Variants in TLE2 observed in about 807,000 individuals in gnomAD.
TLE2 encodes TLE family member 2, transcriptional corepressor, also known as transducin-like enhancer protein 2.
A neutral mutation model predicts 97.2 loss-of-function variants in TLE2; 74 were observed. The observed-to-expected ratio is 0.76, with a 90% CI of 0.63 to 0.92. TLE2 has a LOEUF of 0.92. TLE2 is among the 40% of genes least tolerant of loss of function. The probability of loss-of-function intolerance (pLI) is 0.00; values close to 1 mark genes in which losing one functional copy is unlikely to be tolerated. For synonymous variants in TLE2, 499 were observed against 432.1 expected (o/e 1.15, Z -1.92); for missense variants, 1,038 against 1,008.7 (o/e 1.03, Z -0.39).
At chr19:3,017,454 T>TTC (rs1183419445) in intron 8 of TLE2, among the ~76,000 whole-genome samples, 1 of 144,202 alleles carries the variant, frequency 6.9e-6, no homozygotes, top group African/African-American at 2.5e-5. Context: ...CTTTCTTTCT[T>TTC]TTTTTTTTTT....
At chr19:3,047,245 C>A (rs905394319), upstream of TLE2, among the ~76,000 whole-genome samples, 152 of 138,760 alleles carry the variant, frequency 1.1e-3, no homozygotes, top group East Asian at 4.4e-3. Context: ...TAGCCGAGGT[C>A]GCCCGCGGCG....
At chr19:3,021,730 G>A (rs529691126) in intron 5 of TLE2, among the ~76,000 whole-genome samples, 3 of 150,288 alleles carry the variant, frequency 2.0e-5, no homozygotes, top group Admixed American at 6.6e-5. Context: ...TTACAGGTGC[G>A]CACCACCACA....
At chr19:3,046,479 C>T (rs1044332974), upstream of TLE2, among the ~76,000 whole-genome samples, 1 of 152,176 alleles carries the variant, frequency 6.6e-6, no homozygotes, top group African/African-American at 2.4e-5. Flanking sequence ...GTGCTCCCAC[C>T]CTCTGCTGGA....
chr19:2,997,822 T>G lies in TLE2; in HGVS notation c.*26A>C. The G allele has an allele frequency of 6.5e-7, 1 of 1,542,480 alleles. No homozygotes were observed. On this transcript the variant is annotated 3_prime_UTR_variant, in exon 20 of 20. Coordinates refer to ENST00000262953, the MANE Select transcript of TLE2 (RefSeq NM_003260.5). ...GCTGATTCCCCTGGGAGTCTGGACT[T>G]CGGGTACAGGAAGGGGGGTCATGTC... is the stretch of plus-strand genomic sequence containing the variant.
chr19:3,006,361 G>A, intron 15 of TLE2, 59 bp downstream of exon 15: 1 of 1,571,788 alleles, frequency 6.4e-7, no homozygotes, highest in Non-Finnish European at 8.6e-7. Flanking sequence ...CCGCCCCATT[G>A]GAACATAAGC....
chr19:3,031,690 A>G (rs1032771761), upstream of TLE2, among the ~76,000 whole-genome samples: 2 of 151,992 alleles, frequency 1.3e-5, no homozygotes, highest in Non-Finnish European at 2.9e-5. Context: ...CCCAAGTCAC[A>G]CTGGCCTCAC....
chr19:3,009,400 G>T, intron 13 of TLE2, 142 bp downstream of exon 13: 1 of 1,019,252 alleles, frequency 9.8e-7, no homozygotes, highest in Non-Finnish European at 1.4e-6. Flanking sequence ...CCCCCAGATT[G>T]TCTTCCCATG....
At chr19:3,002,183 A>G (rs2089376866) in intron 18 of TLE2, among the ~76,000 whole-genome samples, 170 bp downstream of exon 18, 1 of 152,150 alleles carries the variant, frequency 6.6e-6, no homozygotes, top group Admixed American at 6.5e-5. Context: ...TAGTATAAGT[A>G]TATCCCACAC....
At chr19:3,013,416 C>T (rs1175916373) in intron 11 of TLE2, among the ~76,000 whole-genome samples, 1 of 151,994 alleles carries the variant, frequency 6.6e-6, no homozygotes, top group African/African-American at 2.4e-5. Context: ...ACCTGCTTTC[C>T]ATGTAAGGTA....
chr19:3,006,091 A>G, intron 15 of TLE2, 123 bp from the exon 16 acceptor site: 2 of 1,238,424 alleles, frequency 1.6e-6, no homozygotes, highest in Middle Eastern at 1.9e-4. Context: ...TGCAAGCCCT[A>G]CCCTGATTGG....
intron 11 of TLE2, among the ~76,000 whole-genome samples, chr19:3,012,258 C>T (rs991088971): frequency 1.5e-5 from 2 of 137,494 alleles, no homozygotes; most frequent in South Asian, 2.4e-4. Flanking sequence ...ATCTCCAAAA[C>T]GAAAAACAAA....
intron 1 of TLE2, among the ~76,000 whole-genome samples, chr19:3,036,062 G>T (rs1038311883): frequency 3.3e-5 from 5 of 152,152 alleles, no homozygotes; most frequent in Non-Finnish European, 7.4e-5. Context: ...GCAAAGAGTA[G>T]TTAAGTCACG....
intron 1 of TLE2, among the ~76,000 whole-genome samples, chr19:3,039,458 C>G (rs980828822): frequency 1.4e-4 from 22 of 152,130 alleles, no homozygotes; most frequent in African/African-American, 5.1e-4. Flanking sequence ...CTCTGCACTG[C>G]ATTGGTTGTT....
chr19:3,015,670 CCTT>C lies in TLE2; in HGVS notation c.658_660del (p.Lys220del), dbSNP rs754892713. 1.2e-6 allele frequency: 2 copies of C among 1,609,818 alleles called. No homozygotes were observed. The highest frequency in any genetic ancestry group is 1.3e-5 in the African/African-American group (1 of 74,992). On this transcript the variant is annotated inframe_deletion, in exon 9 of 20. Coordinates refer to ENST00000262953, the MANE Select transcript of TLE2 (RefSeq NM_003260.5). Reference sequence around the variant, plus strand: ...CCACTCACATAAGGTCCTGATGGCTCCTTCTCATCTGCTCTCTGCTTCCCGCCA... The same window carrying C: ...CCACTCACATAAGGTCCTGATGGCTCCTCATCTGCTCTCTGCTTCCCGCCA...
chr19:3,044,763 T>TA, intron 1 of TLE2, among the ~76,000 whole-genome samples: 1 of 152,244 alleles, frequency 6.6e-6, no homozygotes, highest in East Asian at 1.9e-4. Context: ...GCTACACACC[T>TA]ACTGTGTGCC....
Position 3,019,261 on chromosome 19 carries a change from C to A in TLE2, c.550+22G>T. ...CCCAGCCCCGTCTCCCCAGCCAATG[C>A]CACCCCGTGCTGCCCACTCACCTCT... On this transcript the variant is annotated intron_variant, in intron 7 of 19. Coordinates refer to ENST00000262953, the MANE Select transcript of TLE2 (RefSeq NM_003260.5). This position sits in a 1 kb window ranked among gnomAD's most constrained non-coding sequence, Gnocchi z 5.1. The A allele has an allele frequency of 6.4e-7, 1 of 1,563,816 alleles. No homozygotes were observed. The highest frequency in any genetic ancestry group is 8.6e-7 in the Non-Finnish European group (1 of 1,163,140).
At chr19:3,021,969 G>A (rs539981449) in intron 5 of TLE2, among the ~76,000 whole-genome samples, 15 of 152,126 alleles carry the variant, frequency 9.9e-5, no homozygotes, top group Non-Finnish European at 1.9e-4. Context: ...ACTTTAGGAT[G>A]CTGGAGTGGG....
In TLE2 at chr19:3,028,908, G is replaced by T; in HGVS notation, c.-4C>A. ...GGTGCCTTCCCTGGGGGTACATCCT[G>T]CCGATCCGAAAAGCCCCCCAGGCGC... On this transcript the variant is annotated 5_prime_UTR_variant, in exon 1 of 20. Transcript: ENST00000262953. 6.2e-7 allele frequency: 1 copy of T among 1,610,154 alleles called. No homozygotes were observed. The highest frequency in any genetic ancestry group is 8.5e-7 in the Non-Finnish European group (1 of 1,179,474).
chr19:3,041,013 A>ATATT (rs1555695656), intron 1 of TLE2, among the ~76,000 whole-genome samples: 9 of 28,978 alleles, frequency 3.1e-4, no homozygotes, highest in Admixed American at 1.2e-3. Context: ...ATATATATAT[A>ATATT]TTTTTTTTTT....
Sources: allele counts gnomAD v4.1 joint callset (sites outside exome capture counted in the v4.1 genomes callset), GRCh38; gene constraint gnomAD v4.1.1; non-coding constraint Gnocchi (gnomAD v3.1); transcripts MANE v1.5; gene names NCBI Gene and HGNC (gene_info 2026-07-23, HGNC 2026-07-21).